Variants in NCAPD3 observed in about 807,000 individuals in gnomAD.
NCAPD3 encodes the protein non-SMC condensin II complex subunit D3.
NCAPD3 carries 105 observed loss-of-function variants against 182.9 expected under a neutral mutation model. The observed-to-expected ratio is 0.57, with a 90% confidence interval of 0.49 to 0.68. The LOEUF is 0.68. NCAPD3 is among the 30% of genes least tolerant of loss of function. The pLI, the probability that NCAPD3 is intolerant of heterozygous loss-of-function variation, is 0.00. For missense variants in NCAPD3, 1,944 were observed against 1,837.0 expected, an observed-to-expected ratio of 1.06 and a Z score of -1.07; for synonymous variants, 815 against 679.9, an observed-to-expected ratio of 1.20 and a Z score of -3.09.
At chr11:134,170,138 G>GT (rs1259439110) in intron 24 of NCAPD3, among the ~76,000 whole-genome samples, 4 of 152,320 alleles carry the variant, frequency 2.6e-5, no homozygotes, top group Non-Finnish European at 5.9e-5. Context: ...CATGATGGAA[G>GT]TAAGCCCAGA....
chr11:134,209,282 T>C (rs372954424), intron 5 of NCAPD3, 31 bp downstream of exon 5: 58 of 1,609,688 alleles, frequency 3.6e-5, no homozygotes, highest in Non-Finnish European at 4.8e-5. Flanking sequence ...TCCTTTGAAG[T>C]TGCCCTAAGG....
At chr11:134,181,669 T>C (rs1365625445) in intron 19 of NCAPD3, among the ~76,000 whole-genome samples, 2 of 152,180 alleles carry the variant, frequency 1.3e-5, no homozygotes, top group African/African-American at 2.4e-5. Context: ...TTACAATAAC[T>C]TCAAGGGGTG....
rs1943915016 is a variant in NCAPD3 at position 134,168,180 on chromosome 11, C to T, written c.3389G>A (p.Gly1130Asp). The T allele has an allele frequency of 4.3e-6, 7 of 1,613,946 alleles. No homozygotes were observed. The highest frequency in any genetic ancestry group is 5.9e-6 in the Non-Finnish European group (7 of 1,179,878). The change falls in exon 27 of 35, where the codon GGC becomes GAC. Residue 1130 changes from glycine (G) to aspartate (D), a missense_variant. Physicochemically the swap from Gly to Asp is moderately conservative, Grantham distance 94. This residue lies in a region of NCAPD3 where 1,803 missense variants were observed against 1,674.6 expected (regional missense o/e 1.08). Coordinates refer to ENST00000534548, the MANE Select transcript of NCAPD3 (RefSeq NM_015261.3). ...GGCGTCCAGGTCCAGGGGTAGGATG[C>T]CATCAGCAAAGCACGCTGAGAGACA... Reference protein sequence around the residue: ...CLSILACFADGILPLDLDASE... With the variant: ...CLSILACFADDILPLDLDASE...
At chr11:134,183,600 C>T (rs1944341443) in intron 19 of NCAPD3, among the ~76,000 whole-genome samples, 1 of 152,098 alleles carries the variant, frequency 6.6e-6, no homozygotes, top group South Asian at 2.1e-4. Flanking sequence ...CATATAATTT[C>T]TTGGGTCTTG....
chr11:134,180,689 G>A (rs1944277204), intron 20 of NCAPD3, among the ~76,000 whole-genome samples: 1 of 152,164 alleles, frequency 6.6e-6, no homozygotes, highest in Non-Finnish European at 1.5e-5. Flanking sequence ...TGTTCAAATA[G>A]CTCAGAAGAC....
intron 1 of NCAPD3, chr11:134,223,309 G>T: frequency 1.5e-6 from 1 of 657,022 alleles, no homozygotes; most frequent in Non-Finnish European, 2.8e-6. Flanking sequence ...AATGGAGCGG[G>T]GCTGCCCTGA....
chr11:134,159,756 C>A, intron 29 of NCAPD3, 136 bp downstream of exon 29: 1 of 901,648 alleles, frequency 1.1e-6, no homozygotes, highest in East Asian at 2.7e-5. Flanking sequence ...GAGTGGCCAA[C>A]AAGCAGCACT....
intron 31 of NCAPD3, among the ~76,000 whole-genome samples, chr11:134,157,466 G>A (rs990260190): frequency 2.0e-5 from 3 of 152,280 alleles, no homozygotes; most frequent in East Asian, 3.9e-4. Context: ...TGGAAAAATT[G>A]AAAATCAACA....
chr11:134,223,161 G>A (rs1938300325), intron 1 of NCAPD3: 3 of 527,382 alleles, frequency 5.7e-6, no homozygotes, highest in Non-Finnish European at 1.0e-5. Context: ...AAGGTGTACA[G>A]GCTTGACACA....
intron 27 of NCAPD3, among the ~76,000 whole-genome samples, chr11:134,166,677 TGGG>T (rs1253142439): frequency 3.5e-5 from 3 of 85,020 alleles, no homozygotes; most frequent in Non-Finnish European, 6.6e-5. Context: ...GAGATGAGCT[TGGG>T]GGAGGGGCAC....
chr11:134,155,688 T>A (rs1278026438), intron 32 of NCAPD3, among the ~76,000 whole-genome samples: 1 of 152,166 alleles, frequency 6.6e-6, no homozygotes, highest in Non-Finnish European at 1.5e-5. Flanking sequence ...CCCCGTTTCT[T>A]CAGCATATGG....
chr11:134,199,163 G>A (rs1944696998), intron 13 of NCAPD3, among the ~76,000 whole-genome samples: 1 of 152,102 alleles, frequency 6.6e-6, no homozygotes, highest in Admixed American at 6.5e-5. Flanking sequence ...GGGACAGGAG[G>A]AGAACTCATA....
intron 24 of NCAPD3, among the ~76,000 whole-genome samples, chr11:134,175,771 AAATT>A (rs1355630551): frequency 6.6e-6 from 1 of 152,208 alleles, no homozygotes; most frequent in Non-Finnish European, 1.5e-5. Context: ...GCAAGGATAG[AAATT>A]AATAATTGCC....
chr11:134,153,990 G>C (rs1474900383), intron 32 of NCAPD3: 1 of 156,444 alleles, frequency 6.4e-6, no homozygotes, highest in Non-Finnish European at 1.4e-5. Context: ...CTCAGGAACA[G>C]GAGAACACAG....
rs576323947 is a variant in NCAPD3, at chr11:134,203,915, GC to G, written c.1216-10del. ...AAAACCCGGTGTGGGATCTGGTAAA[GC>G]AAGATCATAAGAATTGCCATCAGAT... On this transcript the variant is annotated splice_polypyrimidine_tract_variant and intron_variant, in intron 10 of 34. Transcript: ENST00000534548. 2.3e-4 allele frequency: 375 copies of G among 1,611,622 alleles called. 3 individuals carry two copies. In the African/African-American group the frequency reaches 4.4e-3, roughly 19 times the overall value.
chr11:134,159,692 A>G (rs966014379), intron 29 of NCAPD3, among the ~76,000 whole-genome samples, 200 bp downstream of exon 29: 1 of 152,218 alleles, frequency 6.6e-6, no homozygotes, highest in African/African-American at 2.4e-5. Flanking sequence ...CCACGTCCTC[A>G]TGGAAGGGAG....
At chr11:134,187,640 C>T (rs1944438162) in intron 16 of NCAPD3, among the ~76,000 whole-genome samples, 1 of 151,010 alleles carries the variant, frequency 6.6e-6, no homozygotes, top group Non-Finnish European at 1.5e-5. Context: ...CACGCCACTA[C>T]TTCTGGGAAG....
chr11:134,161,900 A>G lies in NCAPD3; in HGVS notation c.3574-9T>C, dbSNP rs532433148. On this transcript the variant is annotated splice_polypyrimidine_tract_variant and intron_variant, in intron 27 of 34. Transcript: ENST00000534548. ...AAATTCCTCTTCTGAACCTGGTAAC[A>G]CAAACAAAGACATGTTTTAGATGTA... 19 of 1,387,052 alleles carry G rather than the reference A, an allele frequency of 1.4e-5. No homozygotes were observed. The East Asian group carries it at 4.2e-4, about 30-fold the overall frequency. The allele number at this position is 1,387,052 out of a possible 1,614,324, so 85.9% of individuals were successfully genotyped here.
intron 16 of NCAPD3, among the ~76,000 whole-genome samples, chr11:134,188,425 G>A (rs1055940138): frequency 2.6e-5 from 4 of 152,202 alleles, no homozygotes; most frequent in East Asian, 3.8e-4. Flanking sequence ...GCAGCAACCC[G>A]CTCGGGTCCC....
Sources: allele counts gnomAD v4.1 joint callset (sites outside exome capture counted in the v4.1 genomes callset), GRCh38; gene constraint gnomAD v4.1.1; regional missense constraint gnomAD v4.1.1; transcripts MANE v1.5; gene names NCBI Gene and HGNC (gene_info 2026-07-23, HGNC 2026-07-21).